Variants in KATNAL2 observed in about 807,000 individuals in gnomAD.
KATNAL2 encodes the protein katanin p60 ATPase-containing subunit A-like 2.
KATNAL2 carries 52 observed loss-of-function variants against 76.3 expected under a neutral mutation model. The ratio of observed to expected loss-of-function variants is 0.68; its 90% CI spans 0.55 to 0.86. The LOEUF (loss-of-function observed/expected upper bound fraction) is 0.86, where lower values mean the gene tolerates loss of function less well. Ranked by LOEUF, KATNAL2 falls within the 40% of genes least tolerant of loss-of-function variation. The pLI is 0.00. For synonymous variants in KATNAL2, 243 were observed against 244.2 expected, an observed-to-expected ratio of 1.00 and a Z score of 0.05; for missense variants, 660 against 668.9, an observed-to-expected ratio of 0.99 and a Z score of 0.15.
At chr18:47,066,997 A>C (rs747274811) in intron 10 of KATNAL2, 24 bp from the exon 11 acceptor site, 6 of 1,442,430 alleles carry the variant, frequency 4.2e-6, no homozygotes, top group Non-Finnish European at 4.8e-6. Flanking sequence ...CAGTTTTAAA[A>C]AAATGATCAA....
intron 11 of KATNAL2, 64 bp from the exon 12 acceptor site, chr18:47,069,156 G>C (rs1038359272): frequency 9.5e-6 from 11 of 1,155,544 alleles, no homozygotes; most frequent in Non-Finnish European, 1.4e-5. Context: ...CAGCTTGTCT[G>C]TGCTGAGAGT....
At chr18:46,926,938 G>C (rs1423750036) in intron 1 of KATNAL2, among the ~76,000 whole-genome samples, 1 of 151,990 alleles carries the variant, frequency 6.6e-6, no homozygotes, top group Non-Finnish European at 1.5e-5. Flanking sequence ...CATTTGCTTG[G>C]TAGATCTTCC....
At chr18:46,924,510 G>T (rs1431101374) in intron 1 of KATNAL2, among the ~76,000 whole-genome samples, 1 of 152,192 alleles carries the variant, frequency 6.6e-6, no homozygotes, top group Non-Finnish European at 1.5e-5. Flanking sequence ...CAGGTAATGT[G>T]ATGACTCCAG....
intron 3 of KATNAL2, chr18:47,035,717 AG>A (rs554202304): frequency 1.4e-4 from 32 of 225,632 alleles, no homozygotes; most frequent in Non-Finnish European, 2.9e-4. Context: ...TGTGCCCCAG[AG>A]GTTGATTAGG....
At chr18:47,083,795 C>T (rs752360192) in intron 15 of KATNAL2, among the ~76,000 whole-genome samples, 10 of 152,104 alleles carry the variant, frequency 6.6e-5, no homozygotes, top group Non-Finnish European at 1.2e-4. Context: ...AAACTCAAGC[C>T]TAAGGGTCAG....
intron 6 of KATNAL2, among the ~76,000 whole-genome samples, chr18:47,057,784 G>T (rs965221008): frequency 6.6e-6 from 1 of 152,200 alleles, no homozygotes; most frequent in African/African-American, 2.4e-5. Context: ...CAGGACACTG[G>T]ATTAAAACCA....
chr18:46,961,352 T>C (rs1192125762), intron 3 of KATNAL2, among the ~76,000 whole-genome samples: 1 of 152,238 alleles, frequency 6.6e-6, no homozygotes, highest in African/African-American at 2.4e-5. Flanking sequence ...GTAGAGAATC[T>C]CACTTATTAT....
intron 1 of KATNAL2, among the ~76,000 whole-genome samples, chr18:46,938,652 C>G (rs563628786): frequency 6.6e-6 from 1 of 152,244 alleles, no homozygotes; most frequent in Non-Finnish European, 1.5e-5. Flanking sequence ...CTCTCTCATT[C>G]CATATAACAT....
chr18:47,046,507 G>T lies in KATNAL2; in HGVS notation c.102G>T (p.Ser34=). ...ARRKNLLILI[S]HYLTQEGYID... Reference sequence around the variant, plus strand: ...GAAAAAATCTTCTCATTTTGATTTCGCATTATTTAACACAAGAAGGGTATG... The same window carrying T: ...GAAAAAATCTTCTCATTTTGATTTCTCATTATTTAACACAAGAAGGGTATG... Residue 34 remains serine (S), a synonymous_variant, in exon 4 of 18, where the codon TCG becomes TCT. Coordinates refer to ENST00000683218, the MANE Select transcript of KATNAL2 (RefSeq NM_001387690.1). 1.3e-6 allele frequency: 2 copies of T among 1,535,324 alleles called. No homozygotes were observed. The highest frequency in any genetic ancestry group is 1.2e-5 in the South Asian group (1 of 84,034).
intron 6 of KATNAL2, among the ~76,000 whole-genome samples, chr18:47,056,132 G>A (rs1888488104): frequency 6.6e-6 from 1 of 152,178 alleles, no homozygotes; most frequent in Non-Finnish European, 1.5e-5. Context: ...CTAATGTGAT[G>A]GATGACAGAA....
intron 3 of KATNAL2, among the ~76,000 whole-genome samples, chr18:46,957,565 T>C (rs1433045862): frequency 1.0e-4 from 14 of 135,454 alleles, no homozygotes; most frequent in African/African-American, 3.6e-4. Flanking sequence ...TTTTTTTTTT[T>C]TTTTTTTTTT....
intron 3 of KATNAL2, among the ~76,000 whole-genome samples, chr18:46,960,312 G>A (rs573838471): frequency 1.5e-3 from 229 of 152,054 alleles, no homozygotes; most frequent in Admixed American, 3.1e-3. Context: ...GGTGGTGGGC[G>A]CCTGTAATGC....
At chr18:47,061,865 T>TTA (rs538344918) in intron 8 of KATNAL2, among the ~76,000 whole-genome samples, 17 of 84,388 alleles carry the variant, frequency 2.0e-4, no homozygotes, top group South Asian at 7.4e-4. Context: ...ATTATTATTA[T>TTA]TTTTTTTTTT....
chr18:46,938,997 AT>A (rs2059168662), intron 1 of KATNAL2, among the ~76,000 whole-genome samples: 3 of 152,258 alleles, frequency 2.0e-5, no homozygotes, highest in East Asian at 3.9e-4. Flanking sequence ...TCTCTATTCT[AT>A]CCCCATTGAT....
chr18:47,070,480 CT>C (rs2061961514), intron 13 of KATNAL2, among the ~76,000 whole-genome samples: 1 of 152,120 alleles, frequency 6.6e-6, no homozygotes. Context: ...TAAAATGGTA[CT>C]GAATCTTCCA....
rs765103471 is a variant in KATNAL2, at chr18:47,058,249, G to C, written c.347G>C (p.Ser116Thr). ...RGKTRRMMNDSCQNLPKINQQ... is the reference protein window; with the variant it reads ...RGKTRRMMNDTCQNLPKINQQ... The stretch of plus-strand genomic sequence containing the variant: ...CCCTCCCTTAGGATGATGAACGACA[G>C]TTGTCAAAATCTTCCCAAGATCAAT... Residue 116 changes from serine to threonine, a missense_variant, in exon 7 of 18, where the codon AGT (serine) becomes ACT (threonine). Physicochemically the swap from Ser to Thr is moderately conservative, Grantham distance 58. Transcript: ENST00000683218. 6.2e-7 allele frequency: 1 copy of C among 1,613,180 alleles called. No individual in the cohort carries two copies. Among genetic ancestry groups the C allele is most frequent in the Admixed American group, 1.7e-5 (1 of 60,028 alleles).
At chr18:47,077,161 T>C (rs1369674111) in intron 14 of KATNAL2, among the ~76,000 whole-genome samples, 190 bp from the exon 15 acceptor site, 1 of 152,236 alleles carries the variant, frequency 6.6e-6, no homozygotes, top group Non-Finnish European at 1.5e-5. Context: ...TTCATTTACT[T>C]GCTTTCTATC....
chr18:47,062,866 C>T, intron 8 of KATNAL2, 106 bp from the exon 9 acceptor site: 1 of 731,558 alleles, frequency 1.4e-6, no homozygotes, highest in South Asian at 2.2e-5. Flanking sequence ...GAAGTTTGCC[C>T]TATATACCAG....
intron 3 of KATNAL2, chr18:47,033,349 G>A: frequency 6.2e-7 from 1 of 1,614,056 alleles, no homozygotes; most frequent in Non-Finnish European, 8.5e-7. Flanking sequence ...GATCATCTTT[G>A]CCTCTCTGCC....
Sources: allele counts gnomAD v4.1 joint callset (sites outside exome capture counted in the v4.1 genomes callset), GRCh38; gene constraint gnomAD v4.1.1; transcripts MANE v1.5; gene names NCBI Gene and HGNC (gene_info 2026-07-23, HGNC 2026-07-21).